Variants in FPR3 observed in about 807,000 individuals in gnomAD.
The protein encoded by FPR3 is formyl peptide receptor 3.
For synonymous variants in FPR3, 135 were observed against 163.6 expected, an observed-to-expected ratio of 0.83 and a Z score of 1.34; for missense variants, 346 against 443.2, an observed-to-expected ratio of 0.78 and a Z score of 1.97.
chr19:51,815,733 C>T (rs753491612), intron 1 of FPR3, among the ~76,000 whole-genome samples: 12 of 151,638 alleles, frequency 7.9e-5, no homozygotes, highest in South Asian at 2.1e-4. Flanking sequence ...TGGTATCTCA[C>T]GCCTGTAGTC....
At chr19:51,799,745 T>G (rs1328000993) in intron 1 of FPR3, among the ~76,000 whole-genome samples, 4 of 152,232 alleles carry the variant, frequency 2.6e-5, no homozygotes, top group African/African-American at 7.2e-5. Flanking sequence ...GGTGTTTCCC[T>G]GTGGGACATC....
intron 1 of FPR3, among the ~76,000 whole-genome samples, chr19:51,818,783 C>T (rs1358592793): frequency 1.3e-5 from 2 of 152,120 alleles, no homozygotes; most frequent in Non-Finnish European, 2.9e-5. Flanking sequence ...GAGATGAGGT[C>T]TGGGGATACA....
intron 1 of FPR3, among the ~76,000 whole-genome samples, chr19:51,798,128 C>G (rs752402619): frequency 6.6e-6 from 1 of 151,974 alleles, no homozygotes; most frequent in Admixed American, 6.6e-5. Flanking sequence ...TTTACACCAT[C>G]GAGGTGTCAG....
At chr19:51,821,169 T>C (rs1399037020) in intron 1 of FPR3, among the ~76,000 whole-genome samples, 1 of 152,188 alleles carries the variant, frequency 6.6e-6, no homozygotes, top group Non-Finnish European at 1.5e-5. Flanking sequence ...AAAGTTAGAC[T>C]TCACCACAAA....
At chr19:51,821,211 G>A (rs1019122314) in intron 1 of FPR3, among the ~76,000 whole-genome samples, 9 of 152,162 alleles carry the variant, frequency 5.9e-5, no homozygotes, top group Admixed American at 2.6e-4. Flanking sequence ...AGAAAACTGA[G>A]GCTCAAAGAG....
At chr19:51,800,156 G>T (rs896432282) in intron 1 of FPR3, among the ~76,000 whole-genome samples, 2 of 152,210 alleles carry the variant, frequency 1.3e-5, no homozygotes, top group Non-Finnish European at 2.9e-5. Flanking sequence ...AGTCCCCAGG[G>T]CACCTTGCAA....
intron 1 of FPR3, among the ~76,000 whole-genome samples, chr19:51,821,002 T>G (rs2084184405): frequency 1.3e-5 from 2 of 152,326 alleles, no homozygotes; most frequent in South Asian, 4.1e-4. Flanking sequence ...CTATGAGCAT[T>G]GTTCTTGTCC....
intron 1 of FPR3, among the ~76,000 whole-genome samples, chr19:51,822,394 A>C (rs2084196869): frequency 6.6e-6 from 1 of 152,226 alleles, no homozygotes; most frequent in South Asian, 2.1e-4. Context: ...ACTGAACAAA[A>C]TTGCGATTTG....
chr19:51,799,210 T>C (rs1042130056), intron 1 of FPR3, among the ~76,000 whole-genome samples: 2 of 152,088 alleles, frequency 1.3e-5, no homozygotes, highest in African/African-American at 2.4e-5. Context: ...CTCCTCTGAG[T>C]GTGGCCTCCA....
chr19:51,797,712 G>A (rs1376852441), intron 1 of FPR3, among the ~76,000 whole-genome samples: 37 of 152,062 alleles, frequency 2.4e-4, no homozygotes, highest in Admixed American at 2.4e-3. Context: ...ATGTTCATAA[G>A]TAGAAGCTAC....
In FPR3 at chr19:51,823,836, T is replaced by C. The variant is rs2084209070; in HGVS notation, c.88T>C (p.Leu30=). 1.2e-6 allele frequency: 2 copies of C among 1,614,050 alleles called. No individual in the cohort carries two copies. Among genetic ancestry groups the C allele is most frequent in the Non-Finnish European group, 1.7e-6 (2 of 1,179,968 alleles). Residue 30 remains leucine (L), a synonymous_variant, in exon 2 of 2, where the codon TTG becomes CTG. Coordinates refer to ENST00000339223, the MANE Select transcript of FPR3 (RefSeq NM_002030.5). The part of the protein sequence containing the change: ...AGHTVLWIFS[L]LVHGVTFVFG... ...CCACACCGTTCTGTGGATCTTCTCA[T>C]TGCTAGTCCACGGAGTCACCTTTGT...
chr19:51,816,461 T>C (rs2084137857), intron 1 of FPR3, among the ~76,000 whole-genome samples: 1 of 152,244 alleles, frequency 6.6e-6, no homozygotes, highest in African/African-American at 2.4e-5. Flanking sequence ...TTGGCCAGAC[T>C]GGTCTCCAAA....
intron 1 of FPR3, among the ~76,000 whole-genome samples, chr19:51,796,586 G>A (rs1207779082): frequency 1.3e-5 from 2 of 152,192 alleles, no homozygotes; most frequent in African/African-American, 2.4e-5. Context: ...GACACCGGTC[G>A]TGGAGATGGC....
intron 1 of FPR3, among the ~76,000 whole-genome samples, chr19:51,798,374 G>C (rs570159124): frequency 2.6e-5 from 4 of 152,196 alleles, no homozygotes; most frequent in Admixed American, 2.6e-4. Flanking sequence ...CCACAACAAA[G>C]AATTAACCAG....
chr19:51,809,862 A>G (rs747256672), intron 1 of FPR3, among the ~76,000 whole-genome samples: 2 of 152,170 alleles, frequency 1.3e-5, no homozygotes, highest in Non-Finnish European at 2.9e-5. Flanking sequence ...CCATGCCTGG[A>G]ACGGGGTTGA....
intron 1 of FPR3, among the ~76,000 whole-genome samples, chr19:51,801,692 A>T (rs1158498950): frequency 6.6e-6 from 1 of 152,126 alleles, no homozygotes; most frequent in African/African-American, 2.4e-5. Flanking sequence ...GAGGCAGGAC[A>T]ATTGCTTGAA....
At chr19:51,801,845 A>T (rs1191697532) in intron 1 of FPR3, among the ~76,000 whole-genome samples, 1 of 152,252 alleles carries the variant, frequency 6.6e-6, no homozygotes, top group Admixed American at 6.5e-5. Context: ...CTCTACTCCC[A>T]TAATCTTGAG....
At chr19:51,812,020 C>A (rs1332591909) in intron 1 of FPR3, among the ~76,000 whole-genome samples, 1 of 152,152 alleles carries the variant, frequency 6.6e-6, no homozygotes, top group African/African-American at 2.4e-5. Context: ...AATGAGTATA[C>A]CTCGCTTTAA....
At chr19:51,823,636 G>C in intron 1 of FPR3, 103 bp from the exon 2 acceptor site, 1 of 877,414 alleles carries the variant, frequency 1.1e-6, no homozygotes, top group Non-Finnish European at 1.7e-6. Flanking sequence ...GCTCACTGGG[G>C]AGGGTCTGCT....
Sources: gnomAD v4.1 joint callset for allele counts (sites outside exome capture counted in the v4.1 genomes callset) on GRCh38, gnomAD v4.1.1 for gene constraint, MANE v1.5 for transcripts, NCBI Gene and HGNC (gene_info 2026-07-23, HGNC 2026-07-21) for gene names.